The following NUP160 variants were observed in gnomAD, a reference collection of about 807,000 sequenced individuals.
NUP160 encodes nuclear pore complex protein Nup160.
NUP160 carries 94 observed loss-of-function variants against 196.9 expected under a neutral mutation model. The observed-to-expected ratio is 0.48, with a 90% confidence interval of 0.40 to 0.57. NUP160 has a LOEUF of 0.57. Among genes scored for constraint, NUP160 ranks in the 20% least tolerant of loss-of-function variants. The pLI is 0.00. For missense variants in NUP160, 1,638 were observed against 1,748.3 expected (o/e 0.94, Z 1.13); for synonymous variants, 605 against 619.7 (o/e 0.98, Z 0.35).
rs778725534 is a variant in NUP160 at position 47,813,064 on chromosome 11, G to A, written c.1787-17C>T. On this transcript the variant is annotated splice_polypyrimidine_tract_variant and intron_variant, in intron 14 of 35. Transcript: ENST00000378460. ...TGTCCACATCTACAAATAAGAGAAAGTTAACATTTATGTCTTAAGCCAATG... is the reference window on the plus strand; with the variant it reads ...TGTCCACATCTACAAATAAGAGAAAATTAACATTTATGTCTTAAGCCAATG... 1.9e-6 allele frequency: 3 copies of A among 1,560,512 alleles called. No homozygotes were observed. Among genetic ancestry groups the A allele is most frequent in the Non-Finnish European group, 8.8e-7 (1 of 1,137,772 alleles).
intron 35 of NUP160, chr11:47,779,602 A>G (rs943076788): frequency 7.1e-5 from 37 of 517,906 alleles, no homozygotes; most frequent in Admixed American, 6.8e-4. Context: ...CCATCACTAT[A>G]ATGACTCAAG....
intron 19 of NUP160, 184 bp from the exon 20 acceptor site, chr11:47,806,496 A>G (rs2097677743): frequency 1.9e-6 from 1 of 528,620 alleles, no homozygotes; most frequent in Non-Finnish European, 3.3e-6. Context: ...GAGGCACTAT[A>G]AAAATGCAAT....
Position 47,832,255 on chromosome 11 carries a change from G to C in NUP160, c.1101+3396C>G, listed in dbSNP as rs150576179. The stretch of plus-strand genomic sequence containing the variant: ...CTGCCTCTGGTCATTCCTGAGCATG[G>C]GCAAGGCTCACCTTGGGAGAAATTT... On this transcript the variant is annotated intron_variant, in intron 7 of 35. Coordinates refer to ENST00000378460, the Ensembl canonical transcript of NUP160. 9.9e-3 allele frequency among the ~76,000 whole-genome samples: 1,504 copies of C among 152,084 alleles called. 9 individuals are homozygous for C. Among genetic ancestry groups the C allele is most frequent in the Non-Finnish European group, 0.013 (908 of 67,984 alleles).
intron 29 of NUP160, among the ~76,000 whole-genome samples, chr11:47,789,359 A>T (rs149284530): frequency 1.3e-5 from 2 of 152,200 alleles, no homozygotes; most frequent in Non-Finnish European, 1.5e-5. Context: ...TATCAATAAG[A>T]AAGAAATATG....
At chr11:47,824,421 C>T (rs1476336376) in intron 7 of NUP160, among the ~76,000 whole-genome samples, 1 of 151,472 alleles carries the variant, frequency 6.6e-6, no homozygotes, top group Non-Finnish European at 1.5e-5. Flanking sequence ...CTGACTAACA[C>T]GGTGAAACGC....
intron 7 of NUP160, among the ~76,000 whole-genome samples, chr11:47,824,050 T>TAC (rs1303542292): frequency 3.4e-3 from 341 of 98,984 alleles, no homozygotes; most frequent in Non-Finnish European, 5.7e-3. Flanking sequence ...TATATATATA[T>TAC]ATACACACAC....
intron 20 of NUP160, among the ~76,000 whole-genome samples, chr11:47,805,813 G>A (rs2097677222): frequency 6.6e-6 from 1 of 151,894 alleles, no homozygotes; most frequent in South Asian, 2.1e-4. Flanking sequence ...AGACTATTTA[G>A]ATAGAAGAGA....
At chr11:47,793,311 C>T (rs1400127016) in intron 27 of NUP160, among the ~76,000 whole-genome samples, 1 of 151,976 alleles carries the variant, frequency 6.6e-6, no homozygotes, top group East Asian at 1.9e-4. Flanking sequence ...TCTAGAGATA[C>T]GCAGGGAGAA....
chr11:47,796,173 A>AAT, intron 27 of NUP160: 1 of 280,744 alleles, frequency 3.6e-6, no homozygotes, highest in East Asian at 6.1e-5. Flanking sequence ...AAAAAAAAAA[A>AAT]GGAGCAGCTG....
chr11:47,779,355 C>T (rs2097659307), intron 35 of NUP160, among the ~76,000 whole-genome samples, 161 bp from the exon 36 acceptor site: 1 of 152,192 alleles, frequency 6.6e-6, no homozygotes, highest in African/African-American at 2.4e-5. Flanking sequence ...TCCTCTGTGA[C>T]TCTACTGATA....
At chr11:47,801,887 T>C in exon 23 of NUP160, 1 of 1,613,900 alleles carries the variant, frequency 6.2e-7, no homozygotes, top group Non-Finnish European at 8.5e-7. Flanking sequence ...CAAGAATTCC[T>C]CTTTGCCTAC....
intron 34 of NUP160, among the ~76,000 whole-genome samples, chr11:47,782,277 G>A (rs2097661324): frequency 9.7e-6 from 1 of 103,558 alleles, no homozygotes; most frequent in East Asian, 2.7e-4. Context: ...GGGCAACAGA[G>A]CAAAACTCAG....
chr11:47,780,897 T>C (rs984127340), intron 34 of NUP160, among the ~76,000 whole-genome samples: 1 of 152,130 alleles, frequency 6.6e-6, no homozygotes, highest in Non-Finnish European at 1.5e-5. Context: ...ATGGGAACCC[T>C]CTTTTCTCCA....
intron 29 of NUP160, among the ~76,000 whole-genome samples, chr11:47,791,405 T>C (rs1404722525): frequency 6.6e-6 from 1 of 152,220 alleles, no homozygotes; most frequent in Non-Finnish European, 1.5e-5. Context: ...AGTGGCACGA[T>C]GTGTGCTCAC....
intron 2 of NUP160, chr11:47,841,453 C>A (rs1054462104): frequency 9.6e-6 from 4 of 416,754 alleles, no homozygotes; most frequent in Non-Finnish European, 1.8e-5. Context: ...CAGAGCATTT[C>A]TTTTTAACAA....
intron 34 of NUP160, among the ~76,000 whole-genome samples, chr11:47,782,516 G>A (rs888915569): frequency 8.0e-5 from 12 of 150,532 alleles, no homozygotes; most frequent in Non-Finnish European, 1.8e-4. Context: ...GACACTTAAC[G>A]TTAACCTATA....
Position 47,822,007 on chromosome 11 carries a change from A to G in NUP160, c.1179+80T>C. 5 of 1,058,062 alleles carry G rather than the reference A, an allele frequency of 4.7e-6. No homozygotes were observed. The South Asian group carries it at 7.2e-5, about 15-fold the overall frequency. 65.5% of individuals were successfully genotyped at this position (1,058,062 alleles called of 1,614,324 possible). On this transcript the variant is annotated intron_variant, in intron 8 of 35. Coordinates refer to ENST00000378460, the Ensembl canonical transcript of NUP160. ...GAAATAATTCCATTTTAAGACTACA[A>G]TCCCATTATACCATAACAGAGTTAG... is the stretch of plus-strand genomic sequence containing the variant.
At chr11:47,842,512 C>G (rs531889876) in intron 2 of NUP160, among the ~76,000 whole-genome samples, 13 of 152,236 alleles carry the variant, frequency 8.5e-5, no homozygotes, top group African/African-American at 2.6e-4. Context: ...TCAAGGAAAA[C>G]ATACAGATGT....
intron 13 of NUP160, among the ~76,000 whole-genome samples, chr11:47,814,000 G>C (rs1298161044): frequency 6.7e-6 from 1 of 149,574 alleles, no homozygotes; most frequent in Admixed American, 6.7e-5. Flanking sequence ...AAACCCAGGA[G>C]GCAGAGGTTG....
Sources: gnomAD v4.1 joint callset for allele counts (sites outside exome capture counted in the v4.1 genomes callset) on GRCh38, gnomAD v4.1.1 for gene constraint, MANE v1.5 for transcripts, NCBI Gene and HGNC (gene_info 2026-07-23, HGNC 2026-07-21) for gene names.